The following EFCAB13 variants were observed in gnomAD, a reference collection of about 807,000 sequenced individuals.
The protein encoded by EFCAB13 is EF-hand calcium-binding domain-containing protein 13.
EFCAB13 carries 91 observed loss-of-function variants against 110.2 expected under a neutral mutation model. That is an observed-to-expected ratio of 0.83 (90% CI 0.70 to 0.98). EFCAB13 has a LOEUF of 0.98. Among genes scored for constraint, EFCAB13 ranks in the 50% least tolerant of loss-of-function variants. The probability of loss-of-function intolerance (pLI) is 0.00; values close to 1 mark genes in which losing one functional copy is unlikely to be tolerated. For synonymous variants in EFCAB13, 323 were observed against 369.9 expected, an observed-to-expected ratio of 0.87 and a Z score of 1.45; for missense variants, 968 against 1,119.4, an observed-to-expected ratio of 0.86 and a Z score of 1.93.
intron 23 of EFCAB13, among the ~76,000 whole-genome samples, chr17:47,417,153 T>C (rs1904477762): frequency 6.6e-6 from 1 of 152,162 alleles, no homozygotes; most frequent in Non-Finnish European, 1.5e-5. Context: ...ATAAGGGAGA[T>C]AGAATATGTT....
At chr17:47,372,574 C>G (rs2065591003) in intron 11 of EFCAB13, among the ~76,000 whole-genome samples, 1 of 152,148 alleles carries the variant, frequency 6.6e-6, no homozygotes, top group Non-Finnish European at 1.5e-5. Context: ...TGTTACTAAA[C>G]AGCATCCTTT....
intron 15 of EFCAB13, among the ~76,000 whole-genome samples, chr17:47,392,180 A>T (rs866816749): frequency 3.9e-5 from 6 of 152,212 alleles, no homozygotes; most frequent in African/African-American, 1.4e-4. Context: ...CATAATAAAA[A>T]GTAAAAAAAG....
At chr17:47,380,158 G>A (rs1285422359) in intron 14 of EFCAB13, among the ~76,000 whole-genome samples, 2 of 152,178 alleles carry the variant, frequency 1.3e-5, no homozygotes, top group African/African-American at 4.8e-5. Context: ...GTATACACAT[G>A]CTATGGTGGT....
chr17:47,438,586 C>T (rs9709101), intron 24 of EFCAB13, among the ~76,000 whole-genome samples: 3 of 150,190 alleles, frequency 2.0e-5, no homozygotes, highest in Admixed American at 6.7e-5. Context: ...TTGTTCAGCT[C>T]TATTACTGAG....
At chr17:47,420,708 C>T (rs535172147) in intron 23 of EFCAB13, among the ~76,000 whole-genome samples, 230 of 150,940 alleles carry the variant, frequency 1.5e-3, no homozygotes, top group South Asian at 3.6e-3. Context: ...ACCCTCCGCC[C>T]GGCAGCCGCC....
chr17:47,363,537 A>T lies in EFCAB13; in HGVS notation c.805+2016A>T, dbSNP rs117097039. On this transcript the variant is annotated intron_variant, in intron 10 of 24. Transcript: ENST00000331493. ...AGTAAACCGAAAATTAAAATGCTCC[A>T]TGGCAAATACTATAATAGAGTGTAC... 2.0e-4 allele frequency among the ~76,000 whole-genome samples: 31 copies of T among 151,706 alleles called. No individual in the cohort carries two copies. In the East Asian group the frequency reaches 6.0e-3, roughly 29 times the overall value.
At position 47,421,006 on chromosome 17, in the gene EFCAB13, G is replaced by A. The variant is rs537813295; in HGVS notation, c.2494+6087G>A. On this transcript the variant is annotated intron_variant, in intron 23 of 24. Transcript: ENST00000331493. ...AGGGAGGTGAGGGGGTCAGCCCCCCGTCCGGGAGGGAGGTGGGGGGGTCAG... is the reference window on the plus strand; with the variant it reads ...AGGGAGGTGAGGGGGTCAGCCCCCCATCCGGGAGGGAGGTGGGGGGGTCAG... Among the ~76,000 whole-genome samples, 383 of 126,346 alleles carry A rather than the reference G, an allele frequency of 3.0e-3. 3 individuals carry two copies. Among genetic ancestry groups the A allele is most frequent in the African/African-American group, 0.011 (355 of 32,716 alleles). 82.9% of individuals were successfully genotyped at this position (126,346 alleles called of 152,430 possible).
chr17:47,370,393 T>C (rs776058123), intron 10 of EFCAB13, 44 bp from the exon 11 acceptor site: 12 of 1,295,938 alleles, frequency 9.3e-6, no homozygotes, highest in African/African-American at 7.3e-5. Context: ...CAGATATATC[T>C]ATGTTCAAAA....
chr17:47,351,324 C>T (rs1335717178), intron 9 of EFCAB13, among the ~76,000 whole-genome samples: 21 of 86,348 alleles, frequency 2.4e-4, no homozygotes, highest in Admixed American at 6.8e-4. Context: ...CGCGCGCGCG[C>T]GCGCCACGTT....
At chr17:47,341,494 C>G (rs2065384542) in intron 5 of EFCAB13, 1 of 153,100 alleles carries the variant, frequency 6.5e-6, no homozygotes, top group African/African-American at 2.4e-5. Flanking sequence ...GTAGCTGGGA[C>G]TACAGGCATG....
At chr17:47,370,344 C>T (rs2065574661) in intron 10 of EFCAB13, 93 bp from the exon 11 acceptor site, 2 of 871,560 alleles carry the variant, frequency 2.3e-6, no homozygotes, top group South Asian at 1.5e-5. Context: ...TTCCTACTTG[C>T]CACACATTCT....
rs374424968 is a variant in EFCAB13, at chr17:47,377,747, C to T, written c.1373-19C>T. 3 of 1,549,816 alleles carry T rather than the reference C, an allele frequency of 1.9e-6. No individual in the cohort carries two copies. Among genetic ancestry groups the T allele is most frequent in the East Asian group, 2.3e-5 (1 of 42,996 alleles). On this transcript the variant is annotated intron_variant, in intron 12 of 24. Coordinates refer to ENST00000331493, the MANE Select transcript of EFCAB13 (RefSeq NM_152347.5). ...ATAAATTCTGTTGCCTAATAGTTCTCTACATTTTGTGTATTTAGAAAACTT... is the reference window on the plus strand; with the variant it reads ...ATAAATTCTGTTGCCTAATAGTTCTTTACATTTTGTGTATTTAGAAAACTT...
At chr17:47,389,306 G>C (rs2065693165) in intron 14 of EFCAB13, among the ~76,000 whole-genome samples, 1 of 152,192 alleles carries the variant, frequency 6.6e-6, no homozygotes, top group Non-Finnish European at 1.5e-5. Flanking sequence ...AAAATGCTGA[G>C]ATGGCAGGTG....
chr17:47,398,128 C>G lies in EFCAB13; in HGVS notation c.1945+2151C>G, dbSNP rs1255472136. Among the ~76,000 whole-genome samples the G allele has an allele frequency of 3.6e-5, 5 of 139,910 alleles. 1 individual carries two copies. In the South Asian group the frequency reaches 9.9e-4, roughly 28 times the overall value. 91.8% of individuals were successfully genotyped at this position (139,910 alleles called of 152,430 possible). A position where few individuals can be genotyped will look rare whatever the true frequency, so the allele number is the denominator to read the frequency against. On this transcript the variant is annotated intron_variant, in intron 17 of 24. Coordinates refer to ENST00000331493, the MANE Select transcript of EFCAB13 (RefSeq NM_152347.5). ...GAGGGAGGTGGGGGGGTCAGCCCCC[C>G]CCTGGCCAGCCACCCCGTCTGGGAG...
intron 15 of EFCAB13, among the ~76,000 whole-genome samples, chr17:47,392,110 C>T (rs942242279): frequency 3.9e-5 from 6 of 151,908 alleles, no homozygotes; most frequent in African/African-American, 1.2e-4. Context: ...TAATTGTTGA[C>T]GCTAGAGATA....
chr17:47,351,205 G>T (rs2065447765), intron 9 of EFCAB13, among the ~76,000 whole-genome samples: 1 of 151,960 alleles, frequency 6.6e-6, no homozygotes, highest in Non-Finnish European at 1.5e-5. Context: ...CAGAAAGTCA[G>T]ATAGTTAATA....
chr17:47,418,940 G>T (rs954898720), intron 23 of EFCAB13, among the ~76,000 whole-genome samples: 8 of 151,954 alleles, frequency 5.3e-5, no homozygotes, highest in African/African-American at 1.9e-4. Context: ...ACATACTTTT[G>T]ATTGCTATAG....
chr17:47,403,455 G>A (rs2065789094), intron 18 of EFCAB13, among the ~76,000 whole-genome samples: 1 of 152,138 alleles, frequency 6.6e-6, no homozygotes, highest in Admixed American at 6.5e-5. Flanking sequence ...AGACACTAGG[G>A]TACAATTGGG....
At chr17:47,382,909 G>A (rs1401428003) in intron 14 of EFCAB13, among the ~76,000 whole-genome samples, 14 of 152,078 alleles carry the variant, frequency 9.2e-5, no homozygotes, top group Admixed American at 9.2e-4. Context: ...AATCCATCTG[G>A]TCCTGGGCTT....
Sources: gnomAD v4.1 joint callset for allele counts (sites outside exome capture counted in the v4.1 genomes callset) on GRCh38, gnomAD v4.1.1 for gene constraint, MANE v1.5 for transcripts, NCBI Gene and HGNC (gene_info 2026-07-23, HGNC 2026-07-21) for gene names.